The following ACTL6B variants were observed in gnomAD, a reference collection of about 807,000 sequenced individuals.
ACTL6B encodes actin like 6B, also known as actin-like protein 6B.
In ACTL6B, 48 loss-of-function variants were observed where a neutral mutation model predicts 63.3. The observed-to-expected ratio is 0.76, with a 90% CI of 0.60 to 0.96. The LOEUF (loss-of-function observed/expected upper bound fraction) is 0.96, where lower values mean the gene tolerates loss of function less well. ACTL6B is among the 50% of genes least tolerant of loss of function. The pLI, the probability that ACTL6B is intolerant of heterozygous loss-of-function variation, is 0.00. For missense variants in ACTL6B, 350 were observed against 572.2 expected (o/e 0.61, Z 3.96); for synonymous variants, 230 against 223.8 (o/e 1.03, Z -0.25).
intron 5 of ACTL6B, 107 bp downstream of exon 5, chr7:100,649,931 T>C: frequency 1.0e-6 from 1 of 993,028 alleles, no homozygotes; most frequent in South Asian, 1.4e-5. Flanking sequence ...ATTGGGACAC[T>C]GATCTTCAGA....
intron 4 of ACTL6B, among the ~76,000 whole-genome samples, chr7:100,652,303 C>G (rs1803954535): frequency 6.6e-6 from 1 of 151,196 alleles, no homozygotes; most frequent in Non-Finnish European, 1.5e-5. Context: ...GAGGCCGAGG[C>G]AGGAGAATGG....
chr7:100,646,349 G>A lies in ACTL6B; in HGVS notation c.1114-14C>T, dbSNP rs747161465. 1.2e-6 allele frequency: 2 copies of A among 1,613,032 alleles called. No individual in the cohort carries two copies. The highest frequency in any genetic ancestry group is 1.7e-6 in the Non-Finnish European group (2 of 1,179,504). On this transcript the variant is annotated splice_polypyrimidine_tract_variant and intron_variant, in intron 12 of 13. Coordinates refer to ENST00000160382, the MANE Select transcript of ACTL6B (RefSeq NM_016188.5). This position sits in a 1 kb window ranked among gnomAD's most constrained non-coding sequence, Gnocchi z 6.1. Reference sequence around the variant, plus strand: ...CAGTCGCATGCTCTGGGGGTAAAAAGGGGCTGGGGGAAGCAGACACCTAGG... The same window carrying A: ...CAGTCGCATGCTCTGGGGGTAAAAAAGGGCTGGGGGAAGCAGACACCTAGG...
intron 5 of ACTL6B, 142 bp downstream of exon 5, chr7:100,649,896 G>T: frequency 1.4e-6 from 1 of 700,176 alleles, no homozygotes; most frequent in Non-Finnish European, 2.4e-6. Context: ...TTCTGCACTA[G>T]TGGGGCAGAG....
Position 100,646,581 on chromosome 7 carries a change from G to A in ACTL6B, c.1083C>T (p.Leu361=). The A allele has an allele frequency of 6.2e-7, 1 of 1,614,022 alleles. No individual in the cohort carries two copies. Among genetic ancestry groups the A allele is most frequent in the South Asian group, 1.1e-5 (1 of 91,088 alleles). The change falls in exon 12 of 14, where the codon CTC becomes CTT. Residue 361 remains leucine (L), a synonymous_variant. Transcript: ENST00000160382. This position sits in a 1 kb window ranked among gnomAD's most constrained non-coding sequence, Gnocchi z 6.1. ...NTLLQGFTDR[L]NRELSQKTPP... is the part of the protein sequence containing the mutation. ...GGGTCTTCTGGGAAAGCTCTCGATTGAGCCTGTCAGTGAAGCCCTGCAGCA... is the reference window on the plus strand; with the variant it reads ...GGGTCTTCTGGGAAAGCTCTCGATTAAGCCTGTCAGTGAAGCCCTGCAGCA...
In ACTL6B at chr7:100,646,504, G is replaced by A; in HGVS notation, c.1113+47C>T. 5 of 1,595,928 alleles carry A rather than the reference G, an allele frequency of 3.1e-6. No individual in the cohort carries two copies. The highest frequency in any genetic ancestry group is 4.3e-6 in the Non-Finnish European group (5 of 1,163,746). On this transcript the variant is annotated intron_variant, in intron 12 of 13. Coordinates refer to ENST00000160382, the MANE Select transcript of ACTL6B (RefSeq NM_016188.5). This position sits in a 1 kb window ranked among gnomAD's most constrained non-coding sequence, Gnocchi z 6.1. Reference sequence around the variant, plus strand: ...TGAAGGGACTCAGTCCTGGACAGCTGAGCCAGGACGGGTGTCCAGGGCTCT... The same window carrying A: ...TGAAGGGACTCAGTCCTGGACAGCTAAGCCAGGACGGGTGTCCAGGGCTCT...
chr7:100,648,614 C>T lies in ACTL6B; in HGVS notation c.611G>A (p.Arg204Gln), dbSNP rs1370797540. ...AATGGCCATCTCCTGGAACAGCTCC[C>T]GGCACTGCATGGAGATGAAGTCCCC... ...LAGDFISMQC[R>Q]ELFQEMAIDI... The change falls in exon 7 of 14, where the codon CGG (arginine) becomes CAG (glutamine). Residue 204 changes from arginine to glutamine, a missense_variant. Arg to Gln is a conservative substitution (Grantham distance 43). Transcript: ENST00000160382. This position sits in a 1 kb window ranked among gnomAD's most constrained non-coding sequence, Gnocchi z 4.4. 5 of 1,612,894 alleles carry T rather than the reference C, an allele frequency of 3.1e-6. No homozygotes were observed. Among genetic ancestry groups the T allele is most frequent in the East Asian group, 2.2e-5 (1 of 44,864 alleles).
chr7:100,646,457 A>T lies in ACTL6B; in HGVS notation c.1113+94T>A. On this transcript the variant is annotated intron_variant, in intron 12 of 13. Transcript: ENST00000160382. This position sits in a 1 kb window ranked among gnomAD's most constrained non-coding sequence, Gnocchi z 6.1. ...GGGGTTCTGCTCTGGTGGCCAGAAC[A>T]GAAGGAAGGACATGGGAAGGATGAA... 1 of 1,554,230 alleles carries T rather than the reference A, an allele frequency of 6.4e-7. No homozygotes were observed. The highest frequency in any genetic ancestry group is 8.9e-7 in the Non-Finnish European group (1 of 1,127,846).
chr7:100,643,386 G>C, intron 13 of ACTL6B, 60 bp from the exon 14 acceptor site: 1 of 1,574,930 alleles, frequency 6.3e-7, no homozygotes, highest in Non-Finnish European at 8.7e-7. Flanking sequence ...TGGACAGGCA[G>C]GTGCAGCCCC....
Position 100,655,906 on chromosome 7 carries a change from G to A in ACTL6B, c.26-27C>T. The A allele has an allele frequency of 6.4e-7, 1 of 1,551,298 alleles. No homozygotes were observed. Among genetic ancestry groups the A allele is most frequent in the Non-Finnish European group, 8.7e-7 (1 of 1,147,272 alleles). ...TGTGCGGGGAGACAGGCCTGTAAGGGGACCTCCCCCGAACTCTCTCCCGCT... is the reference window on the plus strand; with the variant it reads ...TGTGCGGGGAGACAGGCCTGTAAGGAGACCTCCCCCGAACTCTCTCCCGCT... On this transcript the variant is annotated intron_variant, in intron 1 of 13. Transcript: ENST00000160382. This position sits in a 1 kb window ranked among gnomAD's most constrained non-coding sequence, Gnocchi z 4.4.
At chr7:100,652,634 C>T (rs1410490592) in intron 4 of ACTL6B, among the ~76,000 whole-genome samples, 4 of 148,966 alleles carry the variant, frequency 2.7e-5, no homozygotes, top group African/African-American at 4.9e-5. Flanking sequence ...ATGGAATTGA[C>T]GTCTTGACAA....
chr7:100,655,324 G>T lies in ACTL6B; in HGVS notation c.268+97C>A. 4.2e-6 allele frequency: 6 copies of T among 1,422,238 alleles called. No homozygotes were observed. In the South Asian group the frequency reaches 5.2e-5, roughly 12 times the overall value. The allele number at this position is 1,422,238 out of a possible 1,614,324, so 88.1% of individuals were successfully genotyped here. On this transcript the variant is annotated intron_variant, in intron 3 of 13. Transcript: ENST00000160382. The surrounding 1 kb of genome is among the most constrained non-coding windows in gnomAD (Gnocchi z 4.4). ...TGGCAGCCAGAAGAACCCTGGGGCT[G>T]CAAGGAAGACTCCGCGGGGAGTGGG... is the stretch of plus-strand genomic sequence containing the variant.
intron 13 of ACTL6B, 125 bp from the exon 14 acceptor site, chr7:100,643,451 C>G (rs1344839658): frequency 1.2e-6 from 1 of 821,932 alleles, no homozygotes; most frequent in African/African-American, 1.7e-5. Context: ...CCTCTGAAGC[C>G]CCTCCCCACC....
intron 13 of ACTL6B, among the ~76,000 whole-genome samples, chr7:100,645,448 C>T (rs932223260): frequency 6.6e-6 from 1 of 152,058 alleles, no homozygotes; most frequent in Non-Finnish European, 1.5e-5. Flanking sequence ...TTGTAAGGTC[C>T]CCTTGACCCC....
In ACTL6B at chr7:100,650,073, AG is replaced by A; in HGVS notation, c.431del (p.Pro144LeufsTer76). ...TELMFEQYNI[P>X]AFFLCKTAVL... The stretch of plus-strand genomic sequence containing the variant: ...CAGCCGTCTTGCATAAGAAGAAGGC[AG>A]GAATGTTGTACTGCTCGAACATCAG... On this transcript the variant is annotated frameshift_variant, in exon 5 of 14. Transcript: ENST00000160382. LOFTEE classifies it high-confidence loss of function. 1 of 1,614,018 alleles carries A rather than the reference AG, an allele frequency of 6.2e-7. No homozygotes were observed.
intron 4 of ACTL6B, among the ~76,000 whole-genome samples, chr7:100,652,677 A>G (rs1803963126): frequency 6.6e-6 from 1 of 151,972 alleles, no homozygotes; most frequent in South Asian, 2.1e-4. Context: ...TAGGGTTCAC[A>G]CTGTTAAGTA....
rs1456745665 is a variant in ACTL6B, at chr7:100,647,347, TC to T, written c.760-64del. Reference sequence around the variant, plus strand: ...CCGTGAGCAGCACCCCCTGCCCCGCTCCCCCTCCCTGCTCCCCCTCCCATGC... The same window carrying T: ...CCGTGAGCAGCACCCCCTGCCCCGCTCCCCTCCCTGCTCCCCCTCCCATGC... On this transcript the variant is annotated intron_variant, in intron 8 of 13. Transcript: ENST00000160382. This position sits in a 1 kb window ranked among gnomAD's most constrained non-coding sequence, Gnocchi z 4.4. 2 of 1,597,654 alleles carry T rather than the reference TC, an allele frequency of 1.3e-6. No individual in the cohort carries two copies. The highest frequency in any genetic ancestry group is 1.1e-5 in the South Asian group (1 of 90,594).
chr7:100,655,253 A>G lies in ACTL6B; in HGVS notation c.269-134T>C, dbSNP rs1208715437. On this transcript the variant is annotated intron_variant, in intron 3 of 13. Coordinates refer to ENST00000160382, the MANE Select transcript of ACTL6B (RefSeq NM_016188.5). This position sits in a 1 kb window ranked among gnomAD's most constrained non-coding sequence, Gnocchi z 4.4. ...GCTCCAGGGGAACGCCCCCCTTCCCAGAAACCTGGTGGGCCCCTGGGAAGG... is the reference window on the plus strand; with the variant it reads ...GCTCCAGGGGAACGCCCCCCTTCCCGGAAACCTGGTGGGCCCCTGGGAAGG... 8.4e-7 allele frequency: 1 copy of G among 1,194,510 alleles called. No individual in the cohort carries two copies. Among genetic ancestry groups the G allele is most frequent in the South Asian group, 1.4e-5 (1 of 72,582 alleles). 74.0% of individuals were successfully genotyped at this position (1,194,510 alleles called of 1,614,324 possible). A position where few individuals can be genotyped will look rare whatever the true frequency, so the allele number is the denominator to read the frequency against.
Position 100,646,683 on chromosome 7 carries a change from C to A in ACTL6B, c.1018-37G>T. The A allele has an allele frequency of 6.2e-7, 1 of 1,612,588 alleles. No individual in the cohort carries two copies. The highest frequency in any genetic ancestry group is 1.1e-5 in the South Asian group (1 of 91,064). The stretch of plus-strand genomic sequence containing the variant: ...GAGAAGGAGTGAGCTGCGGGGGCAG[C>A]CCCCCAACCCCGTCTCCCCACTTCC... On this transcript the variant is annotated intron_variant, in intron 11 of 13. Coordinates refer to ENST00000160382, the MANE Select transcript of ACTL6B (RefSeq NM_016188.5). The surrounding 1 kb of genome is among the most constrained non-coding windows in gnomAD (Gnocchi z 6.1).
Position 100,647,222 on chromosome 7 carries a change from C to T in ACTL6B, c.821+1G>A. The T allele has an allele frequency of 6.2e-7, 1 of 1,613,326 alleles. No homozygotes were observed. Among genetic ancestry groups the T allele is most frequent in the Non-Finnish European group, 8.5e-7 (1 of 1,179,852 alleles). On this transcript the variant is annotated splice_donor_variant, in intron 9 of 13. Coordinates refer to ENST00000160382, the MANE Select transcript of ACTL6B (RefSeq NM_016188.5). LOFTEE classifies it high-confidence loss of function. This position sits in a 1 kb window ranked among gnomAD's most constrained non-coding sequence, Gnocchi z 4.4. ...ACCCCAAAGCCCTGAGCCACACTCA[C>T]TGTTCATCGTAGGGGGAGTCTGAGA...
Sources: allele counts gnomAD v4.1 joint callset (sites outside exome capture counted in the v4.1 genomes callset), GRCh38; gene constraint gnomAD v4.1.1; non-coding constraint Gnocchi (gnomAD v3.1); transcripts MANE v1.5; gene names NCBI Gene and HGNC (gene_info 2026-07-23, HGNC 2026-07-21).